AOAH: variants seen among roughly 807,000 people sequenced by gnomAD.
AOAH encodes acyloxyacyl hydrolase (neutrophil).
A neutral mutation model predicts 92.2 loss-of-function variants in AOAH; 64 were observed. That is an observed-to-expected ratio of 0.69 (90% CI 0.57 to 0.86). The LOEUF (loss-of-function observed/expected upper bound fraction) is 0.86, where lower values mean the gene tolerates loss of function less well. Among genes scored for constraint, AOAH ranks in the 40% least tolerant of loss-of-function variants. The probability of loss-of-function intolerance (pLI) is 0.00; values close to 1 mark genes in which losing one functional copy is unlikely to be tolerated. For missense variants in AOAH, 656 were observed against 694.6 expected (o/e 0.94, Z 0.62); for synonymous variants, 263 against 254.5 (o/e 1.03, Z -0.32).
chr7:36,692,550 G>A (rs1171434158), intron 1 of AOAH, among the ~76,000 whole-genome samples: 1 of 152,084 alleles, frequency 6.6e-6, no homozygotes, highest in Non-Finnish European at 1.5e-5. Context: ...GCAATTAGTG[G>A]TGAAAACAAA....
intron 5 of AOAH, among the ~76,000 whole-genome samples, chr7:36,634,614 G>C (rs1384545507): frequency 6.6e-6 from 1 of 152,144 alleles, no homozygotes; most frequent in Non-Finnish European, 1.5e-5. Flanking sequence ...GAGGAGTTTT[G>C]TTTGCGGCTT....
intron 5 of AOAH, among the ~76,000 whole-genome samples, chr7:36,633,672 T>C (rs905682390): frequency 3.3e-5 from 5 of 151,994 alleles, no homozygotes; most frequent in Non-Finnish European, 7.4e-5. Flanking sequence ...CAGCACTACA[T>C]GTTACCCTGA....
At chr7:36,650,967 G>A (rs1462922647) in intron 4 of AOAH, among the ~76,000 whole-genome samples, 1 of 152,148 alleles carries the variant, frequency 6.6e-6, no homozygotes, top group Non-Finnish European at 1.5e-5. Context: ...AACCAGCAGG[G>A]GAACAAGGCG....
chr7:36,521,970 G>T, intron 20 of AOAH, 69 bp downstream of exon 20: 2 of 1,302,128 alleles, frequency 1.5e-6, no homozygotes, highest in Non-Finnish European at 2.2e-6. Context: ...ACACATGAAT[G>T]TGTAACCATA....
chr7:36,628,815 T>A (rs1241754002), intron 6 of AOAH, among the ~76,000 whole-genome samples: 2 of 152,226 alleles, frequency 1.3e-5, no homozygotes, highest in Non-Finnish European at 2.9e-5. Context: ...GCAGGTCTTG[T>A]CTCTACCACG....
intron 15 of AOAH, among the ~76,000 whole-genome samples, chr7:36,543,504 C>T (rs1191320991): frequency 6.6e-6 from 1 of 152,000 alleles, no homozygotes; most frequent in Non-Finnish European, 1.5e-5. Context: ...AGCAATTATG[C>T]TGAGCTAATG....
intron 1 of AOAH, among the ~76,000 whole-genome samples, chr7:36,722,026 A>G (rs114714467): frequency 0.01 from 1,530 of 152,200 alleles, 22 homozygotes; most frequent in African/African-American, 0.035. Flanking sequence ...CCAACCCTCT[A>G]GCCATTCCCT....
chr7:36,632,292 C>T lies in AOAH; in HGVS notation c.451-186G>A, dbSNP rs542492007. ...TCCATATCCATGCCACTGCCTGTGC[C>T]TTTGCCCATCGGGCTCCTCAGCCCG... is the stretch of plus-strand genomic sequence containing the variant. On this transcript the variant is annotated intron_variant, in intron 5 of 20. Transcript: ENST00000617537. 5.9e-5 allele frequency among the ~76,000 whole-genome samples: 9 copies of T among 152,292 alleles called. No individual in the cohort carries two copies. The South Asian group carries it at 1.2e-3, about 21-fold the overall frequency.
intron 13 of AOAH, among the ~76,000 whole-genome samples, chr7:36,562,290 T>C (rs998885125): frequency 6.6e-6 from 1 of 152,040 alleles, no homozygotes; most frequent in African/African-American, 2.4e-5. Flanking sequence ...CTGCTTGCTG[T>C]TGCTGCTGCT....
At chr7:36,616,879 G>C (rs1056433785) in intron 10 of AOAH, among the ~76,000 whole-genome samples, 4 of 152,210 alleles carry the variant, frequency 2.6e-5, no homozygotes, top group Non-Finnish European at 5.9e-5. Flanking sequence ...GAGCAATTTT[G>C]ATTTTTCAAG....
chr7:36,590,093 A>G (rs111639511), intron 12 of AOAH, among the ~76,000 whole-genome samples: 78 of 152,188 alleles, frequency 5.1e-4, no homozygotes, highest in African/African-American at 1.7e-3. Flanking sequence ...GCTAAGGACT[A>G]CAAGTACATG....
In AOAH at chr7:36,724,043, A is replaced by C; in HGVS notation, c.106T>G (p.Ser36Ala). ...ATACCTACACAGGTGTGCCCATTCGAGAGGCTGGGCCTGGACTGGTCATCG... is the reference window on the plus strand; with the variant it reads ...ATACCTACACAGGTGTGCCCATTCGCGAGGCTGGGCCTGGACTGGTCATCG... Reference protein sequence around the residue: ...ANDDQSRPSLSNGHTCVGCVL... With the variant: ...ANDDQSRPSLANGHTCVGCVL... Residue 36 changes from serine (S) to alanine (A), a missense_variant, in exon 1 of 21, where the codon TCG becomes GCG. Transcript: ENST00000617537. 1 of 1,613,678 alleles carries C rather than the reference A, an allele frequency of 6.2e-7. No individual in the cohort carries two copies.
intron 15 of AOAH, among the ~76,000 whole-genome samples, chr7:36,545,304 G>C (rs1048011859): frequency 1.3e-5 from 2 of 152,188 alleles, no homozygotes; most frequent in African/African-American, 4.8e-5. Flanking sequence ...ATGCTGGCTG[G>C]TTGGAACTTC....
At chr7:36,558,951 G>A (rs1456379009) in intron 13 of AOAH, among the ~76,000 whole-genome samples, 2 of 152,272 alleles carry the variant, frequency 1.3e-5, no homozygotes, top group Non-Finnish European at 2.9e-5. Flanking sequence ...GCCTCGCCCT[G>A]TTTTGGCTCG....
chr7:36,578,326 T>G (rs1788679791), intron 12 of AOAH, among the ~76,000 whole-genome samples: 1 of 152,092 alleles, frequency 6.6e-6, no homozygotes, highest in Admixed American at 6.6e-5. Context: ...GAACTAAACA[T>G]TATAAAAAAG....
intron 6 of AOAH, among the ~76,000 whole-genome samples, chr7:36,628,458 C>G (rs1792830161): frequency 6.6e-6 from 1 of 152,058 alleles, no homozygotes; most frequent in South Asian, 2.1e-4. Context: ...TTCATGTGTT[C>G]CCTCATTTAT....
chr7:36,517,345 C>T (rs921919510), intron 20 of AOAH, among the ~76,000 whole-genome samples: 14 of 149,282 alleles, frequency 9.4e-5, no homozygotes, highest in African/African-American at 3.5e-4. Flanking sequence ...GGCTGGAGTG[C>T]AGTGGCCAGA....
At chr7:36,682,486 A>G (rs1796715507) in intron 2 of AOAH, among the ~76,000 whole-genome samples, 1 of 152,240 alleles carries the variant, frequency 6.6e-6, no homozygotes, top group South Asian at 2.1e-4. Flanking sequence ...TAAGGAACAG[A>G]ATAACATCCC....
At chr7:36,665,960 C>T (rs1005431313) in intron 3 of AOAH, among the ~76,000 whole-genome samples, 3 of 151,756 alleles carry the variant, frequency 2.0e-5, no homozygotes, top group Admixed American at 6.6e-5. Flanking sequence ...AATATTTTGC[C>T]GAGGATTTTC....
Sources: gnomAD v4.1 joint callset for allele counts (sites outside exome capture counted in the v4.1 genomes callset) on GRCh38, gnomAD v4.1.1 for gene constraint, MANE v1.5 for transcripts, NCBI Gene and HGNC (gene_info 2026-07-23, HGNC 2026-07-21) for gene names.